The following F11 variants were observed in gnomAD, a reference collection of about 807,000 sequenced individuals.
F11 encodes coagulation factor XI, also known as coagualtion factor XI.
F11 carries 78 observed loss-of-function variants against 76.5 expected under a neutral mutation model. That is an observed-to-expected ratio of 1.02 (90% CI 0.85 to 1.23). The LOEUF is 1.23. F11 is among the 50% of genes most tolerant of loss of function. The probability of loss-of-function intolerance (pLI) is 0.00; values close to 1 mark genes in which losing one functional copy is unlikely to be tolerated. For synonymous variants in F11, 278 were observed against 276.3 expected (o/e 1.01, Z -0.06); for missense variants, 742 against 771.4 (o/e 0.96, Z 0.45).
chr4:186,282,015 A>G, intron 10 of F11: 1 of 1,248,542 alleles, frequency 8.0e-7, no homozygotes, highest in South Asian at 1.3e-5. Flanking sequence ...TATCTCATAC[A>G]TTCTGTTTTC....
chr4:186,274,432 A>G (rs1445457232), intron 5 of F11, 157 bp downstream of exon 5: 7 of 899,012 alleles, frequency 7.8e-6, no homozygotes, highest in Non-Finnish European at 1.0e-5. Context: ...AAATACACTT[A>G]AAGCCTAATT....
At chr4:186,278,763 G>A (rs780068004) in intron 7 of F11, among the ~76,000 whole-genome samples, 7 of 152,152 alleles carry the variant, frequency 4.6e-5, no homozygotes, top group Non-Finnish European at 8.8e-5. Context: ...ATTCAGAAGA[G>A]AGGTTTATGT....
intron 2 of F11, among the ~76,000 whole-genome samples, chr4:186,270,500 G>A (rs780173563): frequency 2.0e-5 from 3 of 152,084 alleles, no homozygotes; most frequent in Non-Finnish European, 4.4e-5. Context: ...CATCACCCAA[G>A]TAGTGAACAC....
At chr4:186,273,996 C>G (rs4253837) in intron 4 of F11, 120 bp from the exon 5 acceptor site, 1 of 1,106,814 alleles carries the variant, frequency 9.0e-7, no homozygotes. Context: ...ATTAATATAA[C>G]GAAAGACCTC....
intron 1 of F11, 142 bp downstream of exon 1, chr4:186,266,437 G>A (rs1353590904): frequency 6.6e-6 from 1 of 152,198 alleles, no homozygotes; most frequent in Non-Finnish European, 1.5e-5. Context: ...GCTTTGTAGA[G>A]ATGTTCCGCT....
chr4:186,267,106 C>T lies in F11; in HGVS notation c.-1-30C>T, dbSNP rs180776765. 2.2e-5 allele frequency: 31 copies of T among 1,436,474 alleles called. No homozygotes were observed. The Admixed American group carries it at 4.5e-4, about 21-fold the overall frequency. 89.0% of individuals were successfully genotyped at this position (1,436,474 alleles called of 1,614,324 possible). ...TAATTATAAATTTACATTTTATGTT[C>T]TAAAAGCATGCACCTTTTTCTCATT... On this transcript the variant is annotated intron_variant, in intron 1 of 14. Coordinates refer to ENST00000403665, the MANE Select transcript of F11 (RefSeq NM_000128.4).
At chr4:186,282,529 A>T in intron 10 of F11, 1 of 985,384 alleles carries the variant, frequency 1.0e-6, no homozygotes, top group Non-Finnish European at 1.2e-6. Flanking sequence ...ATTTCTTACC[A>T]CAAAATATGA....
At chr4:186,276,582 C>CTTTTTTT (rs33965536) in intron 7 of F11, among the ~76,000 whole-genome samples, 192 bp downstream of exon 7, 6 of 75,944 alleles carry the variant, frequency 7.9e-5, no homozygotes, top group African/African-American at 2.5e-4. Flanking sequence ...ACCGAGGACT[C>CTTTTTTT]TTTTTTTTTT....
chr4:186,277,859 G>A (rs1294127686), intron 7 of F11, among the ~76,000 whole-genome samples: 2 of 152,150 alleles, frequency 1.3e-5, no homozygotes, highest in Non-Finnish European at 2.9e-5. Context: ...GTTGCACTGG[G>A]TGTGATCTCA....
chr4:186,280,887 C>G (rs1329892490), intron 10 of F11, among the ~76,000 whole-genome samples: 1 of 124,824 alleles, frequency 8.0e-6, no homozygotes, highest in East Asian at 2.4e-4. Flanking sequence ...GAGACACAGT[C>G]TCACTCTGTT....
Position 186,282,568 on chromosome 4 carries a change from T to C in F11, c.1136-1524T>C, listed in dbSNP as rs868042341. 2.9e-5 allele frequency: 29 copies of C among 985,400 alleles called. 2 individuals are homozygous for C. The Middle Eastern group carries it at 3.7e-3, about 124-fold the overall frequency. 61.0% of individuals were successfully genotyped at this position (985,400 alleles called of 1,614,324 possible). On this transcript the variant is annotated intron_variant, in intron 10 of 14. Coordinates refer to ENST00000403665, the MANE Select transcript of F11 (RefSeq NM_000128.4). ...TAAACACATATTTTCAGCATTTCGT[T>C]TAAACTGAGAAACAGCATAGGATGA...
rs373779604 is a variant in F11, at chr4:186,286,869, A to G, written c.1576+359A>G. On this transcript the variant is annotated intron_variant, in intron 13 of 14. Coordinates refer to ENST00000403665, the MANE Select transcript of F11 (RefSeq NM_000128.4). Reference sequence around the variant, plus strand: ...ACTTAATTAACATTAACAAAATGGTACACGCAATAGTGGGAATAATGTCTT... The same window carrying G: ...ACTTAATTAACATTAACAAAATGGTGCACGCAATAGTGGGAATAATGTCTT... Among the ~76,000 whole-genome samples, 10 of 152,254 alleles carry G rather than the reference A, an allele frequency of 6.6e-5. No individual in the cohort carries two copies. In the East Asian group the frequency reaches 1.3e-3, roughly 20 times the overall value.
rs758171404 is a variant in F11, at chr4:186,288,542, G to A, written c.1806G>A (p.Arg602=). 1.2e-6 allele frequency: 2 copies of A among 1,614,032 alleles called. No homozygotes were observed. Among genetic ancestry groups the A allele is most frequent in the Non-Finnish European group, 1.7e-6 (2 of 1,180,040 alleles). ...ITSWGEGCAQ[R]ERPGVYTNVV... ...GCTGGGGCGAAGGCTGTGCTCAAAG[G>A]GAGCGGCCAGGTGTTTACACCAACG... The change falls in exon 15 of 15, where the codon AGG becomes AGA. Residue 602 remains arginine, a synonymous_variant. Coordinates refer to ENST00000403665, the MANE Select transcript of F11 (RefSeq NM_000128.4).
At chr4:186,272,873 G>GT in intron 3 of F11, 198 bp from the exon 4 acceptor site, 1 of 530,724 alleles carries the variant, frequency 1.9e-6, no homozygotes, top group Non-Finnish European at 3.4e-6. Flanking sequence ...TTAGAAAGGA[G>GT]TATTACATGC....
intron 2 of F11, among the ~76,000 whole-genome samples, chr4:186,270,983 C>T (rs956556519): frequency 3.3e-5 from 5 of 151,682 alleles, no homozygotes; most frequent in East Asian, 3.9e-4. Context: ...TGGGATTACA[C>T]GCATGAGCCA....
downstream of F11, among the ~76,000 whole-genome samples, chr4:186,289,912 A>G (rs1290685997): frequency 6.6e-6 from 1 of 151,972 alleles, no homozygotes; most frequent in African/African-American, 2.4e-5. Context: ...TGAACTCCTG[A>G]CCTCGTGATC....
intron 2 of F11, among the ~76,000 whole-genome samples, chr4:186,270,481 T>C (rs574697826): frequency 6.6e-6 from 1 of 152,280 alleles, no homozygotes; most frequent in South Asian, 2.1e-4. Flanking sequence ...TGCCGGCTTT[T>C]GGTGTACCCA....
Position 186,280,685 on chromosome 4 carries a change from G to A in F11, c.1135+105G>A, listed in dbSNP as rs1740733944. The A allele has an allele frequency of 4.8e-6, 5 of 1,050,618 alleles. No homozygotes were observed. The South Asian group carries it at 6.9e-5, about 14-fold the overall frequency. 65.1% of individuals were successfully genotyped at this position (1,050,618 alleles called of 1,614,324 possible). A position where few individuals can be genotyped will look rare whatever the true frequency, so the allele number is the denominator to read the frequency against. ...ATAGCCACAGAAGGGAGAACATTCA[G>A]GAAATAACAAATTTTGCAATTTTCT... On this transcript the variant is annotated intron_variant, in intron 10 of 14. Transcript: ENST00000403665.
Position 186,271,893 on chromosome 4 carries a change from T to G in F11, c.218+122T>G. ...TAACAACTGGAAGATAAATTGTCTT[T>G]CAGTTGAAATATTGTTACAGAAAGA... On this transcript the variant is annotated intron_variant, in intron 3 of 14. Coordinates refer to ENST00000403665, the MANE Select transcript of F11 (RefSeq NM_000128.4). 2.7e-6 allele frequency: 3 copies of G among 1,127,758 alleles called. No homozygotes were observed. In the South Asian group the frequency reaches 3.9e-5, roughly 15 times the overall value. 69.9% of individuals were successfully genotyped at this position (1,127,758 alleles called of 1,614,324 possible).
Sources: allele counts gnomAD v4.1 joint callset (sites outside exome capture counted in the v4.1 genomes callset), GRCh38; gene constraint gnomAD v4.1.1; transcripts MANE v1.5; gene names NCBI Gene and HGNC (gene_info 2026-07-23, HGNC 2026-07-21).